NBEA: variants seen among roughly 807,000 people sequenced by gnomAD.
NBEA encodes lysosomal-trafficking regulator 2.
Under a neutral mutation model 343.4 loss-of-function variants are expected in NBEA, and 44 were observed. The observed-to-expected ratio is 0.13, with a 90% CI of 0.10 to 0.16. The LOEUF is 0.16. NBEA is among the 10% of genes least tolerant of loss of function. The pLI is 1.00. For synonymous variants in NBEA, 1,175 were observed against 1,238.7 expected (o/e 0.95, Z 1.08); for missense variants, 2,555 against 3,631.3 (o/e 0.70, Z 7.62).
chr13:35,088,102 A>C (rs1394738024), intron 10 of NBEA, among the ~76,000 whole-genome samples: 1 of 151,892 alleles, frequency 6.6e-6, no homozygotes, highest in Non-Finnish European at 1.5e-5. Context: ...ACAGGAATCT[A>C]TTACGGAGGT....
chr13:35,349,463 C>T (rs1193578561), intron 37 of NBEA, among the ~76,000 whole-genome samples: 2 of 151,992 alleles, frequency 1.3e-5, no homozygotes, highest in Non-Finnish European at 2.9e-5. Flanking sequence ...GTTATTCTAA[C>T]CTACTCAAGA....
At chr13:35,197,908 CT>C (rs1325870988) in intron 31 of NBEA, among the ~76,000 whole-genome samples, 1 of 152,072 alleles carries the variant, frequency 6.6e-6, no homozygotes, top group Admixed American at 6.6e-5. Flanking sequence ...TTAAGTGGCA[CT>C]GGTTATCATG....
Position 35,045,370 on chromosome 13 carries a change from CT to C in NBEA, c.698del (p.Phe233SerfsTer27), listed in dbSNP as rs2062811224. Reference protein sequence around the residue: ...NQMPQRHGPDTFFNFPGCSAA... With the variant: ...NQMPQRHGPDXFFNFPGCSAA... ...ATGCCACAGAGACACGGTCCTGATA[CT>C]TTTTTCAATTTCCCTGGTTGTAGCG... On this transcript the variant is annotated frameshift_variant, in exon 4 of 59. Transcript: ENST00000379939. LOFTEE classifies it high-confidence loss of function. 1 of 1,611,824 alleles carries C rather than the reference CT, an allele frequency of 6.2e-7. No homozygotes were observed. The highest frequency in any genetic ancestry group is 1.3e-5 in the African/African-American group (1 of 74,806).
intron 55 of NBEA, among the ~76,000 whole-genome samples, chr13:35,664,861 C>T (rs548337791): frequency 1.3e-5 from 2 of 152,344 alleles, no homozygotes; most frequent in South Asian, 4.1e-4. Context: ...ATGTTACATA[C>T]GTTAACTTGT....
At chr13:35,311,195 T>C (rs1010458350) in intron 36 of NBEA, among the ~76,000 whole-genome samples, 1 of 152,122 alleles carries the variant, frequency 6.6e-6, no homozygotes, top group South Asian at 2.1e-4. Flanking sequence ...ACAATTATTA[T>C]CCGTTTTCAG....
At chr13:35,662,516 G>A (rs754378688) in intron 55 of NBEA, among the ~76,000 whole-genome samples, 17 of 152,258 alleles carry the variant, frequency 1.1e-4, no homozygotes, top group East Asian at 3.9e-4. Context: ...AAGCTTTCCC[G>A]CCGCTGCAGG....
chr13:34,958,284 T>G (rs2059560551), intron 1 of NBEA, among the ~76,000 whole-genome samples: 1 of 152,110 alleles, frequency 6.6e-6, no homozygotes, highest in Admixed American at 6.6e-5. Context: ...GGGAGACAAA[T>G]TCATATTTTA....
chr13:35,358,966 C>A (rs1045397153), intron 38 of NBEA, among the ~76,000 whole-genome samples: 2 of 152,012 alleles, frequency 1.3e-5, no homozygotes, highest in East Asian at 3.9e-4. Context: ...ACAGAATGAA[C>A]AAAAAGGAGG....
intron 53 of NBEA, among the ~76,000 whole-genome samples, chr13:35,654,620 A>G (rs2153081487): frequency 6.6e-6 from 1 of 152,278 alleles, no homozygotes; most frequent in African/African-American, 2.4e-5. Flanking sequence ...TATTGTTTTT[A>G]TTGGTGGAGG....
intron 41 of NBEA, chr13:35,475,840 AGCACCGC>A: frequency 1.2e-6 from 2 of 1,614,054 alleles, no homozygotes; most frequent in Non-Finnish European, 1.7e-6. Context: ...GCTCAACTTC[AGCACCGC>A]GCAGCCGGGC....
At chr13:35,253,953 G>C (rs1253290114) in intron 34 of NBEA, among the ~76,000 whole-genome samples, 1 of 152,170 alleles carries the variant, frequency 6.6e-6, no homozygotes, top group Non-Finnish European at 1.5e-5. Flanking sequence ...GTTGAATAAA[G>C]TTGATGATTG....
At chr13:35,322,301 C>A (rs1386127135) in intron 36 of NBEA, among the ~76,000 whole-genome samples, 2 of 152,130 alleles carry the variant, frequency 1.3e-5, no homozygotes, top group African/African-American at 2.4e-5. Context: ...GGGCCGGAGT[C>A]CACCGTTCCC....
At position 34,976,982 on chromosome 13, in the gene NBEA, C is replaced by T. The variant is rs76169253; in HGVS notation, c.294+33868C>T. ...TGAGACAGAGTTTTGCTCTTGTTGCCCAGGCTAGAGTGCAGTGGTGCAATC... is the reference window on the plus strand; with the variant it reads ...TGAGACAGAGTTTTGCTCTTGTTGCTCAGGCTAGAGTGCAGTGGTGCAATC... On this transcript the variant is annotated intron_variant, in intron 1 of 58. Coordinates refer to ENST00000379939, the MANE Select transcript of NBEA (RefSeq NM_001385012.1). 3.8e-3 allele frequency among the ~76,000 whole-genome samples: 567 copies of T among 149,492 alleles called. 7 individuals are homozygous for T. Among genetic ancestry groups the T allele is most frequent in the East Asian group, 9.6e-3 (49 of 5,114 alleles).
chr13:35,133,147 A>G lies in NBEA; in HGVS notation c.2337-9122A>G, dbSNP rs1173754422. Reference sequence around the variant, plus strand: ...GGATTTGTATCCTAAACATACGAAAAAAATTGTGCAAATAAATTAGAAAAA... The same window carrying G: ...GGATTTGTATCCTAAACATACGAAAGAAATTGTGCAAATAAATTAGAAAAA... On this transcript the variant is annotated intron_variant, in intron 17 of 58. Coordinates refer to ENST00000379939, the MANE Select transcript of NBEA (RefSeq NM_001385012.1). Among the ~76,000 whole-genome samples the G allele has an allele frequency of 2.0e-5, 3 of 152,172 alleles. No individual in the cohort carries two copies. The East Asian group carries it at 5.8e-4, about 29-fold the overall frequency.
In NBEA at chr13:35,230,831, C is replaced by T. The variant is rs1213313762; in HGVS notation, c.5649-1661C>T. On this transcript the variant is annotated intron_variant, in intron 33 of 58. Transcript: ENST00000379939. ...GTTTCCTGGATCAGCAGCATCAACA[C>T]CACTGACTGAGAATTTGTACTTCTA... 5.9e-5 allele frequency among the ~76,000 whole-genome samples: 9 copies of T among 152,128 alleles called. No individual in the cohort carries two copies. The Middle Eastern group carries it at 0.01, about 172-fold the overall frequency.
intron 48 of NBEA, among the ~76,000 whole-genome samples, chr13:35,621,045 A>G (rs2082966533): frequency 6.6e-6 from 1 of 152,230 alleles, no homozygotes; most frequent in Admixed American, 6.5e-5. Flanking sequence ...GGAAAAAGCC[A>G]GAGTCAACAT....
intron 18 of NBEA, among the ~76,000 whole-genome samples, chr13:35,146,882 C>T (rs1033708880): frequency 6.6e-6 from 1 of 152,080 alleles, no homozygotes; most frequent in Non-Finnish European, 1.5e-5. Flanking sequence ...ATTTGGGATC[C>T]CAAAGCCAAT....
intron 1 of NBEA, among the ~76,000 whole-genome samples, chr13:34,947,538 C>T (rs2059223704): frequency 6.6e-6 from 1 of 151,856 alleles, no homozygotes; most frequent in Non-Finnish European, 1.5e-5. Flanking sequence ...GCATTAGTTC[C>T]AGGTTTTCCA....
Position 35,512,192 on chromosome 13 carries a change from AT to A in NBEA, c.6586-38284del, listed in dbSNP as rs566196303. ...CTACAGGTACACAACAGGAAGTAAA[AT>A]CGTGAACCCATAGCTTCCCAGTATC... On this transcript the variant is annotated intron_variant, in intron 41 of 58. Transcript: ENST00000379939. Among the ~76,000 whole-genome samples, 56 of 152,328 alleles carry A rather than the reference AT, an allele frequency of 3.7e-4. 1 individual carries two copies. In the South Asian group the frequency reaches 0.012, roughly 32 times the overall value.
Sources: allele counts gnomAD v4.1 joint callset (sites outside exome capture counted in the v4.1 genomes callset), GRCh38; gene constraint gnomAD v4.1.1; transcripts MANE v1.5; gene names NCBI Gene and HGNC (gene_info 2026-07-23, HGNC 2026-07-21).